The following SPMIP2 variants were observed in gnomAD, a reference collection of about 807,000 sequenced individuals.
SPMIP2 encodes sperm microtubule inner protein 2, also known as protein SPMIP2.
At chr4:159,081,479 C>T in the SPMIP2 span, among the ~76,000 whole-genome samples, 6 of 151,970 alleles carry the variant, frequency 3.9e-5, no homozygotes, top group African/African-American at 1.4e-4. Context: ...TGCTTAGGCT[C>T]AGGAGTTCAA....
chr4:159,077,182 G>A, the SPMIP2 span, among the ~76,000 whole-genome samples: 1 of 150,666 alleles, frequency 6.6e-6, no homozygotes. Context: ...CTCTTGTTGC[G>A]CAGGCTGGAG....
At chr4:158,915,093 G>A in the SPMIP2 span, 2 of 1,288,058 alleles carry the variant, frequency 1.6e-6, no homozygotes, top group Non-Finnish European at 2.1e-6. Flanking sequence ...GTATTACTAT[G>A]AGAAACCTGT....
At chr4:159,070,945 G>A in the SPMIP2 span, among the ~76,000 whole-genome samples, 9 of 152,242 alleles carry the variant, frequency 5.9e-5, no homozygotes, top group East Asian at 1.9e-4. Flanking sequence ...CTGGATCTGC[G>A]CCAAGCCTCA....
the SPMIP2 span, among the ~76,000 whole-genome samples, chr4:159,052,259 T>C: frequency 6.6e-6 from 1 of 152,124 alleles, no homozygotes; most frequent in African/African-American, 2.4e-5. Flanking sequence ...TGTGTGCTAA[T>C]AGAAATGTCC....
chr4:158,980,254 G>T, the SPMIP2 span, among the ~76,000 whole-genome samples: 1 of 152,170 alleles, frequency 6.6e-6, no homozygotes, highest in Non-Finnish European at 1.5e-5. Context: ...AGCATATGGG[G>T]GAAGGGGCAG....
the SPMIP2 span, among the ~76,000 whole-genome samples, chr4:159,025,291 A>G: frequency 6.6e-6 from 1 of 152,106 alleles, no homozygotes. Context: ...CAGCCTTCCA[A>G]GTAGCTGGGA....
the SPMIP2 span, among the ~76,000 whole-genome samples, chr4:158,901,789 C>G: frequency 3.3e-5 from 5 of 151,664 alleles, no homozygotes; most frequent in African/African-American, 1.2e-4. Flanking sequence ...GCTATTGATA[C>G]TTGTGTATGC....
chr4:159,059,897 G>A, the SPMIP2 span, among the ~76,000 whole-genome samples: 2 of 152,178 alleles, frequency 1.3e-5, no homozygotes, highest in African/African-American at 4.8e-5. Context: ...CTGACCTCAC[G>A]ATTCTTTGGG....
chr4:158,964,198 T>G, the SPMIP2 span, among the ~76,000 whole-genome samples: 4 of 136,952 alleles, frequency 2.9e-5, no homozygotes, highest in South Asian at 2.2e-4. Flanking sequence ...AAAAAACATG[T>G]GGAGGGATCA....
At chr4:158,902,857 G>A in the SPMIP2 span, among the ~76,000 whole-genome samples, 101 of 152,294 alleles carry the variant, frequency 6.6e-4, no homozygotes, top group Non-Finnish European at 9.9e-4. Flanking sequence ...AAACGTCCCA[G>A]GTCGACCTCA....
At chr4:159,051,950 T>TCTTCCTTGCC in the SPMIP2 span, among the ~76,000 whole-genome samples, 1 of 152,108 alleles carries the variant, frequency 6.6e-6, no homozygotes, top group African/African-American at 2.4e-5. Context: ...CCTTCCTTGC[T>TCTTCCTTGCC]CTTCCTTGCC....
the SPMIP2 span, among the ~76,000 whole-genome samples, chr4:159,019,869 C>T: frequency 6.6e-6 from 1 of 152,160 alleles, no homozygotes; most frequent in Admixed American, 6.6e-5. Context: ...GACAGTAAAT[C>T]AGTTCTGGGG....
chr4:159,065,210 A>G, the SPMIP2 span, among the ~76,000 whole-genome samples: 1 of 152,204 alleles, frequency 6.6e-6, no homozygotes, highest in Non-Finnish European at 1.5e-5. Context: ...TGAGTATTTG[A>G]CAATGAATAG....
the SPMIP2 span, among the ~76,000 whole-genome samples, chr4:159,062,180 G>A: frequency 6.6e-6 from 1 of 152,220 alleles, no homozygotes; most frequent in Non-Finnish European, 1.5e-5. Context: ...TCCACTGTGA[G>A]CAGCTAAAAA....
the SPMIP2 span, among the ~76,000 whole-genome samples, chr4:159,047,773 G>A: frequency 6.6e-6 from 1 of 152,214 alleles, no homozygotes; most frequent in Non-Finnish European, 1.5e-5. Context: ...GGAGAGCCCT[G>A]CCTCTGGGTC....
the SPMIP2 span, among the ~76,000 whole-genome samples, chr4:158,914,381 A>C: frequency 6.6e-6 from 1 of 152,240 alleles, no homozygotes; most frequent in Non-Finnish European, 1.5e-5. Context: ...GATGAATCAG[A>C]TCTCTGGCAA....
the SPMIP2 span, among the ~76,000 whole-genome samples, chr4:159,020,815 G>A: frequency 6.6e-6 from 1 of 152,142 alleles, no homozygotes; most frequent in African/African-American, 2.4e-5. Flanking sequence ...AGGCTGGAGT[G>A]CAGTGGCGCT....
chr4:158,997,890 C>A, the SPMIP2 span, among the ~76,000 whole-genome samples: 3 of 152,306 alleles, frequency 2.0e-5, no homozygotes, highest in African/African-American at 7.2e-5. Flanking sequence ...CCCCTGGCCT[C>A]AAGTGATCCT....
At chr4:159,048,962 A>G in the SPMIP2 span, among the ~76,000 whole-genome samples, 1 of 152,086 alleles carries the variant, frequency 6.6e-6, no homozygotes, top group East Asian at 1.9e-4. Flanking sequence ...GTGGGCTTTT[A>G]GTTGACATAA....
Sources: gnomAD v4.1 joint callset for allele counts (sites outside exome capture counted in the v4.1 genomes callset) on GRCh38, gnomAD v4.1.1 for gene constraint, MANE v1.5 for transcripts, NCBI Gene and HGNC (gene_info 2026-07-23, HGNC 2026-07-21) for gene names.